Variants in SPATA21 observed in about 807,000 individuals in gnomAD.
SPATA21 encodes the protein spermatogenesis associated 21.
SPATA21 carries 47 observed loss-of-function variants against 54.8 expected under a neutral mutation model. The ratio of observed to expected loss-of-function variants is 0.86; its 90% CI spans 0.68 to 1.09. The LOEUF (loss-of-function observed/expected upper bound fraction) is 1.09. Among genes scored for constraint, SPATA21 ranks in the 50% least tolerant of loss-of-function variants. The probability of loss-of-function intolerance (pLI) is 0.00; values close to 1 mark genes in which losing one functional copy is unlikely to be tolerated. For synonymous variants in SPATA21, 245 were observed against 235.3 expected, an observed-to-expected ratio of 1.04 and a Z score of -0.38; for missense variants, 599 against 596.4, an observed-to-expected ratio of 1.00 and a Z score of -0.05.
intron 5 of SPATA21, among the ~76,000 whole-genome samples, chr1:16,419,898 C>T (rs915540298): frequency 3.3e-5 from 5 of 152,236 alleles, no homozygotes; most frequent in African/African-American, 1.2e-4. Context: ...TGAGATTGCG[C>T]CACTGCACTT....
At chr1:16,396,193 C>T (rs2085308759), downstream of SPATA21, 1 of 152,488 alleles carries the variant, frequency 6.6e-6, no homozygotes, top group Admixed American at 6.5e-5. Context: ...GAGCCTTCTG[C>T]CTCGTATGTT....
At chr1:16,417,573 A>G (rs1190821210) in intron 5 of SPATA21, among the ~76,000 whole-genome samples, 1 of 151,548 alleles carries the variant, frequency 6.6e-6, no homozygotes, top group East Asian at 1.9e-4. Flanking sequence ...GATTACAGGC[A>G]CCTGCCACCA....
intron 3 of SPATA21, chr1:16,425,585 C>T: frequency 1.3e-6 from 2 of 1,550,154 alleles, no homozygotes; most frequent in Non-Finnish European, 1.7e-6. Flanking sequence ...CCCCTGCTGG[C>T]CCTTGATCTC....
chr1:16,425,011 C>T (rs1027482601), intron 3 of SPATA21: 15 of 327,216 alleles, frequency 4.6e-5, no homozygotes, highest in South Asian at 2.3e-4. Flanking sequence ...CTCCACCTCC[C>T]GTGTTCAAGC....
intron 3 of SPATA21, among the ~76,000 whole-genome samples, chr1:16,422,944 C>T (rs952215755): frequency 3.3e-5 from 5 of 152,128 alleles, no homozygotes; most frequent in African/African-American, 1.2e-4. Context: ...GCAGGTGGAT[C>T]ACTTGAAGTC....
intron 10 of SPATA21, among the ~76,000 whole-genome samples, chr1:16,401,795 T>G (rs2085456414): frequency 6.6e-6 from 1 of 152,170 alleles, no homozygotes; most frequent in South Asian, 2.1e-4. Context: ...TACCCAATTA[T>G]AGCCCGCAAC....
chr1:16,402,178 C>A (rs2085467663), intron 10 of SPATA21, among the ~76,000 whole-genome samples: 1 of 151,262 alleles, frequency 6.6e-6, no homozygotes, highest in Admixed American at 6.6e-5. Context: ...TGTGGGGCAC[C>A]CTTGCCAAAG....
At chr1:16,400,544 G>A in intron 11 of SPATA21, 176 bp downstream of exon 11, 2 of 1,413,124 alleles carry the variant, frequency 1.4e-6, no homozygotes, top group Non-Finnish European at 1.8e-6. Context: ...CATAGGCCTG[G>A]ATGGAAAATA....
chr1:16,415,270 G>A (rs1184895168), intron 5 of SPATA21, among the ~76,000 whole-genome samples: 4 of 152,134 alleles, frequency 2.6e-5, no homozygotes, highest in African/African-American at 4.8e-5. Flanking sequence ...CCCAGGAGGC[G>A]GAGGTTGCAG....
chr1:16,419,011 G>T (rs1172836555), intron 5 of SPATA21, among the ~76,000 whole-genome samples: 2 of 152,198 alleles, frequency 1.3e-5, no homozygotes, highest in African/African-American at 4.8e-5. Context: ...CCCTCAGGGA[G>T]CTTGCGTTCT....
chr1:16,397,061 C>T, downstream of SPATA21: 1 of 152,230 alleles, frequency 6.6e-6, no homozygotes, highest in Admixed American at 6.5e-5. The surrounding 1 kb of genome is among the most constrained non-coding windows in gnomAD (Gnocchi z 5.4). Context: ...GTGAGACTTT[C>T]CTTTTAATTG....
rs148185047 is a variant in SPATA21 at position 16,427,834 on chromosome 1, A to T, written c.34+3504T>A. ...TGGGCTACAGGGGGTTCTCTCTTGGACCTGTTCTCTCGAGAGCCCCTCAGC... is the reference window on the plus strand; with the variant it reads ...TGGGCTACAGGGGGTTCTCTCTTGGTCCTGTTCTCTCGAGAGCCCCTCAGC... On this transcript the variant is annotated intron_variant, in intron 3 of 12. Transcript: ENST00000335496. 2.1e-4 allele frequency: 324 copies of T among 1,535,030 alleles called. 4 individuals are homozygous for T. In the African/African-American group the frequency reaches 3.9e-3, roughly 18 times the overall value.
intron 5 of SPATA21, among the ~76,000 whole-genome samples, chr1:16,411,556 C>T (rs918732188): frequency 4.6e-5 from 7 of 151,952 alleles, no homozygotes; most frequent in East Asian, 1.9e-4. Flanking sequence ...TTTGGGAGGG[C>T]GAGGCAGGCG....
intron 5 of SPATA21, among the ~76,000 whole-genome samples, chr1:16,414,760 C>T (rs757394919): frequency 6.6e-6 from 1 of 151,710 alleles, no homozygotes; most frequent in African/African-American, 2.4e-5. Flanking sequence ...TGGGGTTGTT[C>T]GCATGCCTGT....
rs1268216264 is a variant in SPATA21, at chr1:16,409,089, T to C, written c.673+29A>G. ...CAAGGACCAAGGGTCCTGCCTGTGC[T>C]GGGACCTCCCTGACCTCCCTGCCCT... On this transcript the variant is annotated intron_variant, in intron 7 of 12. Coordinates refer to ENST00000335496, the MANE Select transcript of SPATA21 (RefSeq NM_198546.1). This position sits in a 1 kb window ranked among gnomAD's most constrained non-coding sequence, Gnocchi z 4.1. The C allele has an allele frequency of 1.2e-6, 2 of 1,610,936 alleles. No homozygotes were observed. The highest frequency in any genetic ancestry group is 2.7e-5 in the African/African-American group (2 of 74,886).
At chr1:16,401,978 C>T (rs1318978765) in intron 10 of SPATA21, among the ~76,000 whole-genome samples, 1 of 152,194 alleles carries the variant, frequency 6.6e-6, no homozygotes, top group African/African-American at 2.4e-5. Context: ...GCCTCAGCCG[C>T]ACCTCTTACT....
chr1:16,424,173 T>C (rs548348154), intron 3 of SPATA21, among the ~76,000 whole-genome samples: 183 of 52,468 alleles, frequency 3.5e-3, no homozygotes, highest in African/African-American at 7.5e-3. Context: ...CCAGGCTGGG[T>C]GCGGTGGCTC....
intron 1 of SPATA21, among the ~76,000 whole-genome samples, chr1:16,433,706 T>A (rs1430955271): frequency 6.6e-6 from 1 of 152,160 alleles, no homozygotes; most frequent in Non-Finnish European, 1.5e-5. Flanking sequence ...GCTTGCTAAC[T>A]CTGAGAATCT....
intron 3 of SPATA21, chr1:16,425,167 T>C: frequency 2.1e-6 from 1 of 470,928 alleles, no homozygotes; most frequent in Non-Finnish European, 4.2e-6. Context: ...TCCTTCGGCC[T>C]CCAGAAGTGC....
Sources: gnomAD v4.1 joint callset for allele counts (sites outside exome capture counted in the v4.1 genomes callset) on GRCh38, gnomAD v4.1.1 for gene constraint, Gnocchi (gnomAD v3.1) non-coding constraint, MANE v1.5 for transcripts, NCBI Gene and HGNC (gene_info 2026-07-23, HGNC 2026-07-21) for gene names.